DLG2: variants seen among roughly 807,000 people sequenced by gnomAD.
DLG2 encodes the protein discs large MAGUK scaffold protein 2.
Under a neutral mutation model 132.5 loss-of-function variants are expected in DLG2, and 45 were observed. That is an observed-to-expected ratio of 0.34 (90% CI 0.27 to 0.44). The LOEUF (loss-of-function observed/expected upper bound fraction) is 0.44. DLG2 is among the 20% of genes least tolerant of loss of function. The probability of loss-of-function intolerance (pLI) is 1.00; values close to 1 mark genes in which losing one functional copy is unlikely to be tolerated. For missense variants in DLG2, 1,045 were observed against 1,196.9 expected (o/e 0.87, Z 1.87); for synonymous variants, 424 against 419.6 (o/e 1.01, Z -0.13).
chr11:85,070,309 T>A (rs10552236), intron 6 of DLG2, among the ~76,000 whole-genome samples: 2 of 18,588 alleles, frequency 1.1e-4, no homozygotes, highest in South Asian at 1.8e-3. Context: ...TAATAAAAAA[T>A]AAATAAATAA....
intron 3 of DLG2, among the ~76,000 whole-genome samples, chr11:85,494,613 T>A (rs934029517): frequency 6.6e-6 from 1 of 151,960 alleles, no homozygotes; most frequent in East Asian, 1.9e-4. Context: ...CATAAGCTTA[T>A]AAAATACTCT....
At chr11:84,969,642 T>C (rs2053797798) in intron 6 of DLG2, among the ~76,000 whole-genome samples, 1 of 152,176 alleles carries the variant, frequency 6.6e-6, no homozygotes, top group Non-Finnish European at 1.5e-5. Flanking sequence ...AAGTTGTCTC[T>C]AGAGGAATAT....
At chr11:85,021,682 G>T in intron 6 of DLG2, 1 of 1,031,324 alleles carries the variant, frequency 9.7e-7, no homozygotes, top group Non-Finnish European at 1.5e-6. Flanking sequence ...TTCTCACACA[G>T]CTGAAAATGT....
intron 7 of DLG2, chr11:84,437,426 T>G (rs1489099051): frequency 6.6e-6 from 1 of 152,194 alleles, no homozygotes; most frequent in Admixed American, 6.5e-5. Context: ...TGCACGAACC[T>G]GCGACCCAGC....
intron 11 of DLG2, among the ~76,000 whole-genome samples, chr11:84,006,029 A>G (rs1347514004): frequency 6.6e-6 from 1 of 151,906 alleles, no homozygotes; most frequent in Admixed American, 6.6e-5. Flanking sequence ...TGGTACTCAC[A>G]TGTTTATTGC....
chr11:84,269,141 G>A (rs1473045766), intron 7 of DLG2, among the ~76,000 whole-genome samples: 1 of 152,124 alleles, frequency 6.6e-6, no homozygotes, highest in African/African-American at 2.4e-5. Flanking sequence ...AACTTGCATA[G>A]GATAGTATTC....
intron 7 of DLG2, among the ~76,000 whole-genome samples, chr11:84,332,203 CCTT>C (rs1464576897): frequency 1.4e-5 from 2 of 143,834 alleles, no homozygotes; most frequent in Admixed American, 1.4e-4. Context: ...CTTTGCTTGT[CCTT>C]TTTTTTTTTT....
intron 18 of DLG2, among the ~76,000 whole-genome samples, chr11:83,656,694 C>T (rs77827439): frequency 0.028 from 4,322 of 152,300 alleles, 186 homozygotes; most frequent in African/African-American, 0.093. Context: ...TAAAGGGACA[C>T]ATTGATCCCA....
chr11:85,441,317 C>A (rs1285909908), intron 3 of DLG2, among the ~76,000 whole-genome samples: 1 of 152,126 alleles, frequency 6.6e-6, no homozygotes, highest in African/African-American at 2.4e-5. Context: ...GTAAATGGTA[C>A]CATCATCCAC....
At chr11:84,899,151 C>G (rs756645844) in intron 6 of DLG2, among the ~76,000 whole-genome samples, 8 of 151,960 alleles carry the variant, frequency 5.3e-5, no homozygotes, top group Non-Finnish European at 1.5e-5. Flanking sequence ...TTTCACTGAA[C>G]AGAGAAAACA....
intron 18 of DLG2, among the ~76,000 whole-genome samples, chr11:83,701,115 G>A (rs888761970): frequency 2.0e-5 from 3 of 152,088 alleles, no homozygotes; most frequent in South Asian, 2.1e-4. Flanking sequence ...GCAGGAGTCC[G>A]GGAGATGGTG....
chr11:83,510,064 T>A (rs527767010), intron 21 of DLG2, among the ~76,000 whole-genome samples: 1 of 152,306 alleles, frequency 6.6e-6, no homozygotes, highest in Admixed American at 6.5e-5. Context: ...GTCCTCCTTA[T>A]CTATGTGAGC....
intron 3 of DLG2, among the ~76,000 whole-genome samples, chr11:85,333,823 A>T (rs527409200): frequency 4.0e-4 from 61 of 151,922 alleles, no homozygotes; most frequent in African/African-American, 1.4e-3. Flanking sequence ...TGCTGGATTC[A>T]GTTTGCTAGT....
At chr11:84,997,340 A>G (rs1317111877) in intron 6 of DLG2, 1 of 152,180 alleles carries the variant, frequency 6.6e-6, no homozygotes, top group Admixed American at 6.6e-5. Flanking sequence ...CCAGGCACAC[A>G]AAAGTGCCAA....
intron 17 of DLG2, among the ~76,000 whole-genome samples, chr11:83,805,368 T>C (rs1357949283): frequency 6.6e-6 from 1 of 151,916 alleles, no homozygotes; most frequent in African/African-American, 2.4e-5. Context: ...TATATATATA[T>C]AATTTTTCTC....
intron 14 of DLG2, among the ~76,000 whole-genome samples, chr11:83,931,446 G>A (rs1239950820): frequency 3.9e-5 from 6 of 152,114 alleles, no homozygotes; most frequent in Non-Finnish European, 1.5e-5. Context: ...GTCTGATGTT[G>A]ACTCTACAGA....
At chr11:85,264,991 G>A (rs1287393664) in intron 4 of DLG2, among the ~76,000 whole-genome samples, 1 of 152,148 alleles carries the variant, frequency 6.6e-6, no homozygotes, top group Non-Finnish European at 1.5e-5. Context: ...GTCATGCAGA[G>A]CTACTTGTAG....
At chr11:83,681,403 T>A (rs2078774164) in intron 18 of DLG2, among the ~76,000 whole-genome samples, 1 of 152,178 alleles carries the variant, frequency 6.6e-6, no homozygotes. Flanking sequence ...CAGGTAATTG[T>A]TAATGGTGAT....
chr11:83,556,102 C>A (rs961784895), intron 19 of DLG2, among the ~76,000 whole-genome samples: 7 of 152,034 alleles, frequency 4.6e-5, no homozygotes, highest in African/African-American at 1.7e-4. Context: ...ATTTATGGCA[C>A]GTGTTTTGAG....
Sources: gnomAD v4.1 joint callset for allele counts (sites outside exome capture counted in the v4.1 genomes callset) on GRCh38, gnomAD v4.1.1 for gene constraint, MANE v1.5 for transcripts, NCBI Gene and HGNC (gene_info 2026-07-23, HGNC 2026-07-21) for gene names.